CAMK4: variants seen among roughly 807,000 people sequenced by gnomAD.
CAMK4 encodes calcium/calmodulin-dependent protein kinase type IV.
Under a neutral mutation model 44.9 loss-of-function variants are expected in CAMK4, and 22 were observed. That is an observed-to-expected ratio of 0.49 (90% CI 0.35 to 0.70). The LOEUF is 0.70. Ranked by LOEUF, CAMK4 falls within the 30% of genes least tolerant of loss-of-function variation. The probability of loss-of-function intolerance (pLI) is 0.01; values close to 1 mark genes in which losing one functional copy is unlikely to be tolerated. For synonymous variants in CAMK4, 218 were observed against 215.4 expected (o/e 1.01, Z -0.11); for missense variants, 498 against 586.8 (o/e 0.85, Z 1.56).
chr5:111,298,755 G>A (rs1038658615), intron 1 of CAMK4, among the ~76,000 whole-genome samples: 1 of 152,244 alleles, frequency 6.6e-6, no homozygotes, highest in African/African-American at 2.4e-5. Context: ...TAACAGATGA[G>A]GTTGATCAGA....
At position 111,493,089 on chromosome 5, in the gene CAMK4, G is replaced by C. The variant is rs911389313; in HGVS notation, c.*8623G>C. 3 of 152,200 alleles carry C rather than the reference G, an allele frequency of 2.0e-5. No individual in the cohort carries two copies. In the South Asian group the frequency reaches 6.2e-4, roughly 32 times the overall value. 9.4% of individuals were successfully genotyped at this position (152,200 alleles called of 1,614,324 possible). On this transcript the variant is annotated 3_prime_UTR_variant, in exon 11 of 11. Coordinates refer to ENST00000282356, the MANE Select transcript of CAMK4 (RefSeq NM_001744.6). The surrounding 1 kb of genome is among the most constrained non-coding windows in gnomAD (Gnocchi z 4.1). Reference sequence around the variant, plus strand: ...GTGAAAGGCTGAAATACACAGGGAAGTGTTGCCAGTGTGCAACAGAATCTC... The same window carrying C: ...GTGAAAGGCTGAAATACACAGGGAACTGTTGCCAGTGTGCAACAGAATCTC...
At chr5:111,475,628 A>G (rs1755208687) in intron 8 of CAMK4, among the ~76,000 whole-genome samples, 1 of 152,236 alleles carries the variant, frequency 6.6e-6, no homozygotes, top group African/African-American at 2.4e-5. Flanking sequence ...GTTGAAAGTA[A>G]GAGTGGTAGC....
Position 111,421,493 on chromosome 5 carries a change from T to C in CAMK4, c.460-25193T>C, listed in dbSNP as rs78404755. Among the ~76,000 whole-genome samples, 995 of 152,330 alleles carry C rather than the reference T, an allele frequency of 6.5e-3. 9 individuals carry two copies. The highest frequency in any genetic ancestry group is 0.021 in the African/African-American group (876 of 41,576). ...AACACCGTGAATGCCAGTAGGAGGC[T>C]CAAAAACTCTAACTGCAAAAATGAA... On this transcript the variant is annotated intron_variant, in intron 5 of 10. Coordinates refer to ENST00000282356, the MANE Select transcript of CAMK4 (RefSeq NM_001744.6).
intron 7 of CAMK4, among the ~76,000 whole-genome samples, chr5:111,463,644 C>T (rs1365669366): frequency 6.6e-6 from 1 of 152,218 alleles, no homozygotes; most frequent in Middle Eastern, 3.2e-3. Flanking sequence ...GCTGAGAGAC[C>T]TGAAGATGGT....
intron 1 of CAMK4, among the ~76,000 whole-genome samples, chr5:111,246,702 G>T (rs1749256458): frequency 6.6e-6 from 1 of 152,078 alleles, no homozygotes; most frequent in South Asian, 2.1e-4. Flanking sequence ...CACCATCCTG[G>T]CCAGGGGGAT....
intron 1 of CAMK4, among the ~76,000 whole-genome samples, chr5:111,228,151 A>C (rs998678303): frequency 2.0e-5 from 3 of 152,220 alleles, no homozygotes; most frequent in Non-Finnish European, 4.4e-5. Flanking sequence ...TTGAAAGAAA[A>C]GATGATAAGA....
chr5:111,485,731 A>G lies in CAMK4; in HGVS notation c.*1265A>G, dbSNP rs766325084. 11 of 152,172 alleles carry G rather than the reference A, an allele frequency of 7.2e-5. No homozygotes were observed. Among genetic ancestry groups the G allele is most frequent in the Non-Finnish European group, 1.5e-4 (10 of 68,006 alleles). 9.4% of individuals were successfully genotyped at this position (152,172 alleles called of 1,614,324 possible). ...CAAACAAAAACAAAAATAAAGAAAA[A>G]TACTGATTTCAAATCAGACTCTTAA... On this transcript the variant is annotated 3_prime_UTR_variant, in exon 11 of 11. Transcript: ENST00000282356.
chr5:111,467,373 C>CAA (rs34201915), intron 7 of CAMK4, among the ~76,000 whole-genome samples: 79 of 49,376 alleles, frequency 1.6e-3, no homozygotes, highest in Middle Eastern at 0.025. Context: ...TTCTGCATAG[C>CAA]AAAAAAAAAA....
At chr5:111,335,156 G>A (rs1749345650) in intron 1 of CAMK4, among the ~76,000 whole-genome samples, 1 of 151,476 alleles carries the variant, frequency 6.6e-6, no homozygotes, top group Non-Finnish European at 1.5e-5. Context: ...TAGACTTGAT[G>A]GCAAGGGAAG....
At position 111,486,493 on chromosome 5, in the gene CAMK4, A is replaced by G. The variant is rs1336635165; in HGVS notation, c.*2027A>G. The G allele has an allele frequency of 8.6e-6, 1 of 116,766 alleles. No individual in the cohort carries two copies. The highest frequency in any genetic ancestry group is 3.2e-5 in the African/African-American group (1 of 30,894). 7.2% of individuals were successfully genotyped at this position (116,766 alleles called of 1,614,324 possible). ...ATTTCCTGTTGTACTTTTTACCATG[A>G]GACTGAAACACACACACACACACAC... On this transcript the variant is annotated 3_prime_UTR_variant, in exon 11 of 11. Transcript: ENST00000282356.
intron 1 of CAMK4, among the ~76,000 whole-genome samples, chr5:111,336,425 A>G (rs935959392): frequency 1.3e-5 from 2 of 151,158 alleles, no homozygotes; most frequent in Non-Finnish European, 3.0e-5. Flanking sequence ...ATTGCTTTCT[A>G]AAATTATATT....
intron 1 of CAMK4, among the ~76,000 whole-genome samples, chr5:111,285,440 C>T (rs1437461595): frequency 6.6e-6 from 1 of 152,174 alleles, no homozygotes; most frequent in Non-Finnish European, 1.5e-5. Context: ...CATAATATGT[C>T]AGCAGGATGA....
chr5:111,270,235 A>T (rs1368739762), intron 1 of CAMK4: 5 of 152,226 alleles, frequency 3.3e-5, no homozygotes. Flanking sequence ...AAGTTAGTTG[A>T]TATAAGTTCT....
At chr5:111,262,952 T>C (rs1750054255) in intron 1 of CAMK4, among the ~76,000 whole-genome samples, 1 of 152,240 alleles carries the variant, frequency 6.6e-6, no homozygotes, top group African/African-American at 2.4e-5. Context: ...CTCTTTGTCA[T>C]AGAAGTATCC....
rs988750749 is a variant in CAMK4 at position 111,473,377 on chromosome 5, C to G, written c.692C>G (p.Thr231Ser). The stretch of plus-strand genomic sequence containing the variant: ...GACATGTGGTCTGTAGGAATAATCA[C>G]CTACATCTTGTAAGTGAAGAAAAGC... ...EVDMWSVGII[T>S]YILLCGFEPF... Residue 231 changes from threonine to serine, a missense_variant, in exon 8 of 11, where the codon ACC (threonine) becomes AGC (serine). Physicochemically the swap from Thr to Ser is moderately conservative, Grantham distance 58. Coordinates refer to ENST00000282356, the MANE Select transcript of CAMK4 (RefSeq NM_001744.6). The G allele has an allele frequency of 2.5e-6, 4 of 1,602,452 alleles. No homozygotes were observed. Among genetic ancestry groups the G allele is most frequent in the African/African-American group, 1.3e-5 (1 of 74,648 alleles).
At chr5:111,398,102 T>C (rs1027117035) in intron 5 of CAMK4, among the ~76,000 whole-genome samples, 4 of 152,164 alleles carry the variant, frequency 2.6e-5, no homozygotes, top group African/African-American at 9.7e-5. Context: ...CATCACCTGC[T>C]TCCCTCTGCT....
chr5:111,346,502 CTA>C (rs1749873790), intron 2 of CAMK4, among the ~76,000 whole-genome samples: 1 of 151,718 alleles, frequency 6.6e-6, no homozygotes, highest in Non-Finnish European at 1.5e-5. Flanking sequence ...ATCTATCTAT[CTA>C]TCTATCTATC....
intron 4 of CAMK4, among the ~76,000 whole-genome samples, chr5:111,385,094 T>C (rs1751551419): frequency 6.6e-6 from 1 of 152,152 alleles, no homozygotes; most frequent in African/African-American, 2.4e-5. Context: ...TTAGGGATTA[T>C]AATGACTACA....
At chr5:111,230,552 C>T (rs1748419055) in intron 1 of CAMK4, among the ~76,000 whole-genome samples, 1 of 140,992 alleles carries the variant, frequency 7.1e-6, no homozygotes, top group South Asian at 2.3e-4. Context: ...AAAAATAACT[C>T]CAGATTTTGG....
Sources: gnomAD v4.1 joint callset for allele counts (sites outside exome capture counted in the v4.1 genomes callset) on GRCh38, gnomAD v4.1.1 for gene constraint, Gnocchi (gnomAD v3.1) non-coding constraint, MANE v1.5 for transcripts, NCBI Gene and HGNC (gene_info 2026-07-23, HGNC 2026-07-21) for gene names.